RNPEPL1: variants seen among roughly 807,000 people sequenced by gnomAD.
RNPEPL1 encodes arginyl aminopeptidase like 1, also known as aminopeptidase RNPEPL1.
RNPEPL1 carries 46 observed loss-of-function variants against 69.0 expected under a neutral mutation model. That is an observed-to-expected ratio of 0.67 (90% CI 0.53 to 0.85). The LOEUF (loss-of-function observed/expected upper bound fraction) is 0.85, where lower values mean the gene tolerates loss of function less well. RNPEPL1 is among the 40% of genes least tolerant of loss of function. The pLI is 0.00. For missense variants in RNPEPL1, 869 were observed against 992.5 expected (o/e 0.88, Z 1.67); for synonymous variants, 525 against 454.1 (o/e 1.16, Z -1.98).
Position 240,568,638 on chromosome 2 carries a change from G to T in RNPEPL1, c.52G>T (p.Val18Phe), listed in dbSNP as rs2093011152. The T allele has an allele frequency of 2.0e-6, 2 of 1,000,600 alleles. No homozygotes were observed. The highest frequency in any genetic ancestry group is 2.4e-6 in the Non-Finnish European group (2 of 844,482). 62.0% of individuals were successfully genotyped at this position (1,000,600 alleles called of 1,614,324 possible). A position where few individuals can be genotyped will look rare whatever the true frequency, so the allele number is the denominator to read the frequency against. ...GGCGCCCGGCGCCGAGGCCGCGCCC[G>T]TCCGCCCGCCGCCCGAGCCGCCGCC... is the stretch of plus-strand genomic sequence containing the variant. ...RQAPGAEAAP[V>F]RPPPEPPPAL... Residue 18 changes from valine (V) to phenylalanine (F), a missense_variant, in exon 1 of 11, where the codon GTC (valine) becomes TTC (phenylalanine). Around this residue, in one of 2 missense-constraint regions of RNPEPL1, gnomAD observed 259 missense variants for 201.5 expected, o/e 1.29. Coordinates refer to ENST00000270357, the MANE Select transcript of RNPEPL1 (RefSeq NM_018226.6). The surrounding 1 kb of genome is among the most constrained non-coding windows in gnomAD (Gnocchi z 6.2).
At chr2:240,572,328 C>G in intron 1 of RNPEPL1, 95 bp from the exon 2 acceptor site, 2 of 1,416,652 alleles carry the variant, frequency 1.4e-6, no homozygotes, top group South Asian at 2.6e-5. Context: ...TGTCCCCTCC[C>G]AGAGCCTCCT....
chr2:240,573,004 G>A (rs2093026356), intron 2 of RNPEPL1, 106 bp from the exon 3 acceptor site: 1 of 1,302,382 alleles, frequency 7.7e-7, no homozygotes, highest in Non-Finnish European at 1.0e-6. Flanking sequence ...TGATGGGGAT[G>A]TAGGGTTTCC....
chr2:240,578,485 C>T lies in RNPEPL1; in HGVS notation c.*593C>T, dbSNP rs577420787. ...CCCTCTGGCCCCAGGCAACCTTAGC[C>T]CCTCAGAACAGGGAGTCCCAGGACC... On this transcript the variant is annotated 3_prime_UTR_variant, in exon 11 of 11. Coordinates refer to ENST00000270357, the MANE Select transcript of RNPEPL1 (RefSeq NM_018226.6). 2.0e-5 allele frequency: 3 copies of T among 152,622 alleles called. No individual in the cohort carries two copies. The highest frequency in any genetic ancestry group is 7.2e-5 in the African/African-American group (3 of 41,576). The allele number at this position is 152,622 out of a possible 1,614,324, so 9.5% of individuals were successfully genotyped here.
Position 240,568,564 on chromosome 2 carries a change from G to T in RNPEPL1, c.-23G>T. 5 of 972,220 alleles carry T rather than the reference G, an allele frequency of 5.1e-6. No homozygotes were observed. Among genetic ancestry groups the T allele is most frequent in the Non-Finnish European group, 6.1e-6 (5 of 821,522 alleles). 60.2% of individuals were successfully genotyped at this position (972,220 alleles called of 1,614,324 possible). ...CGGCCCGGCGCGGCCGCCGCCCATG[G>T]ATTTCACCTAGTGCCGGCGGCCATG... On this transcript the variant is annotated 5_prime_UTR_variant, in exon 1 of 11. Transcript: ENST00000270357. This position sits in a 1 kb window ranked among gnomAD's most constrained non-coding sequence, Gnocchi z 6.2.
intron 2 of RNPEPL1, 21 bp downstream of exon 2, chr2:240,572,584 G>A (rs753367146): frequency 3.1e-5 from 47 of 1,535,498 alleles, no homozygotes; most frequent in South Asian, 2.5e-4. Context: ...GCCAGCTGCC[G>A]TCACCTTGCT....
chr2:240,574,492 CTCT>C lies in RNPEPL1; in HGVS notation c.1175-22_1175-20del, dbSNP rs1367806095. The C allele has an allele frequency of 1.3e-6, 2 of 1,598,412 alleles. No individual in the cohort carries two copies. Among genetic ancestry groups the C allele is most frequent in the Admixed American group, 3.5e-5 (2 of 57,626 alleles). ...CGACCCCTACACCCCCTCACCTCTC[CTCT>C]GTCTCCGGACCCCATCCAGGTGCTG... is the stretch of plus-strand genomic sequence containing the variant. On this transcript the variant is annotated intron_variant, in intron 5 of 10. Transcript: ENST00000270357.
chr2:240,576,457 TG>T, intron 8 of RNPEPL1, 77 bp from the exon 9 acceptor site: 1 of 1,358,024 alleles, frequency 7.4e-7, no homozygotes. Flanking sequence ...ACTCAGGGTC[TG>T]GGGTCTCCTG....
At chr2:240,570,507 C>T (rs1380941003) in intron 1 of RNPEPL1, among the ~76,000 whole-genome samples, 2 of 152,232 alleles carry the variant, frequency 1.3e-5, no homozygotes, top group Non-Finnish European at 2.9e-5. Flanking sequence ...TGGGGCCACA[C>T]GTAGAGTCCC....
chr2:240,571,904 G>A (rs969005293), intron 1 of RNPEPL1, among the ~76,000 whole-genome samples: 1 of 151,900 alleles, frequency 6.6e-6, no homozygotes, highest in Admixed American at 6.6e-5. Context: ...CCCTCCAGGC[G>A]AGGCTGCCTG....
chr2:240,574,449 A>G lies in RNPEPL1; in HGVS notation c.1175-66A>G, dbSNP rs183822007. ...CCCCTGCCATGCTGCAGGTGCCCAC[A>G]CCTCCTGCTTCCCCCGACGACCCCT... On this transcript the variant is annotated intron_variant, in intron 5 of 10. Coordinates refer to ENST00000270357, the MANE Select transcript of RNPEPL1 (RefSeq NM_018226.6). 1.4e-5 allele frequency: 22 copies of G among 1,531,200 alleles called. No homozygotes were observed. The African/African-American group carries it at 3.0e-4, about 21-fold the overall frequency. The allele number at this position is 1,531,200 out of a possible 1,614,324, so 94.9% of individuals were successfully genotyped here.
intron 2 of RNPEPL1, 112 bp downstream of exon 2, chr2:240,572,675 G>A: frequency 7.4e-7 from 1 of 1,349,902 alleles, no homozygotes; most frequent in Non-Finnish European, 1.0e-6. Flanking sequence ...CTGCCAGCAG[G>A]CCACAGTGCT....
chr2:240,572,186 G>A (rs1288461017), intron 1 of RNPEPL1, among the ~76,000 whole-genome samples: 5 of 152,198 alleles, frequency 3.3e-5, no homozygotes, highest in Admixed American at 3.3e-4. Flanking sequence ...GCCTGGGTTG[G>A]GGTCTGGCCC....
intron 1 of RNPEPL1, among the ~76,000 whole-genome samples, chr2:240,569,851 A>T (rs2125447896): frequency 6.6e-6 from 1 of 152,324 alleles, no homozygotes; most frequent in South Asian, 2.1e-4. Flanking sequence ...GGCGCTGGGA[A>T]GTCCAGCTGT....
intron 1 of RNPEPL1, among the ~76,000 whole-genome samples, chr2:240,570,358 A>G (rs1449279489): frequency 6.6e-6 from 1 of 152,186 alleles, no homozygotes; most frequent in Non-Finnish European, 1.5e-5. Flanking sequence ...TAGTCCCCCA[A>G]GTCTGCGTGG....
intron 6 of RNPEPL1, 199 bp downstream of exon 6, chr2:240,574,827 G>A (rs2093033136): frequency 3.0e-6 from 2 of 659,914 alleles, no homozygotes; most frequent in South Asian, 1.8e-5. Flanking sequence ...CTGGCTCTGA[G>A]CAGCAGTCAC....
chr2:240,577,401 C>T (rs748787907), intron 10 of RNPEPL1, among the ~76,000 whole-genome samples, 198 bp from the exon 11 acceptor site: 131 of 152,344 alleles, frequency 8.6e-4, no homozygotes, highest in Non-Finnish European at 1.6e-3. Context: ...GGAGATGGGG[C>T]CTCCATGGTT....
chr2:240,573,075 T>TG, intron 2 of RNPEPL1, 35 bp from the exon 3 acceptor site: 2 of 1,558,190 alleles, frequency 1.3e-6, no homozygotes, highest in South Asian at 1.2e-5. Flanking sequence ...GTGCTGACGG[T>TG]GGGGCCACCC....
At chr2:240,572,972 G>T (rs1226693099) in intron 2 of RNPEPL1, 138 bp from the exon 3 acceptor site, 3 of 1,057,328 alleles carry the variant, frequency 2.8e-6, no homozygotes, top group African/African-American at 3.2e-5. Flanking sequence ...TCGGAGAGAA[G>T]TTCTCTGACA....
At position 240,578,718 on chromosome 2, in the gene RNPEPL1, A is replaced by C. The variant is rs766389154; in HGVS notation, c.*826A>C. 19 of 151,970 alleles carry C rather than the reference A, an allele frequency of 1.3e-4. No individual in the cohort carries two copies. The highest frequency in any genetic ancestry group is 2.4e-4 in the Non-Finnish European group (16 of 68,024). 9.4% of individuals were successfully genotyped at this position (151,970 alleles called of 1,614,324 possible). On this transcript the variant is annotated 3_prime_UTR_variant, in exon 11 of 11. Transcript: ENST00000270357. ...ACGGTGATGGTCCCATTAAACTTCC[A>C]CTCTGCAAACCTGATCTCCTGCGCT...
Sources: allele counts gnomAD v4.1 joint callset (sites outside exome capture counted in the v4.1 genomes callset), GRCh38; gene constraint gnomAD v4.1.1; regional missense constraint gnomAD v4.1.1; non-coding constraint Gnocchi (gnomAD v3.1); transcripts MANE v1.5; gene names NCBI Gene and HGNC (gene_info 2026-07-23, HGNC 2026-07-21).